NTF3: variants seen among roughly 807,000 people sequenced by gnomAD.
NTF3 encodes neurotrophin-3.
In NTF3, 8 loss-of-function variants were observed where a neutral mutation model predicts 26.3. That is an observed-to-expected ratio of 0.30 (90% CI 0.18 to 0.55). The LOEUF is 0.55. NTF3 is among the 20% of genes least tolerant of loss of function. The pLI is 0.93. For synonymous variants in NTF3, 154 were observed against 145.5 expected (o/e 1.06, Z -0.42); for missense variants, 276 against 352.9 (o/e 0.78, Z 1.75).
chr12:5,493,175 C>T (rs908435393), intron 1 of NTF3, among the ~76,000 whole-genome samples: 3 of 152,180 alleles, frequency 2.0e-5, no homozygotes, highest in Non-Finnish European at 4.4e-5. Flanking sequence ...GAGGGAGAGA[C>T]TAGCAATGAA....
Position 5,441,723 on chromosome 12 carries a change from C to T in NTF3, c.18+9381C>T, listed in dbSNP as rs74056352. Among the ~76,000 whole-genome samples, 1,438 of 152,308 alleles carry T rather than the reference C, an allele frequency of 9.4e-3. 20 individuals are homozygous for T. Among genetic ancestry groups the T allele is most frequent in the African/African-American group, 0.033 (1,358 of 41,564 alleles). The stretch of plus-strand genomic sequence containing the variant: ...ATTGTGAGCTCAGAATGTGCAGCAG[C>T]GATTTGACAGTGCCAGGAACTTGGC... On this transcript the variant is annotated intron_variant, in intron 1 of 1. Coordinates refer to ENST00000423158, the MANE Select transcript of NTF3 (RefSeq NM_001102654.2).
chr12:5,490,857 A>G (rs1463064970), intron 1 of NTF3, among the ~76,000 whole-genome samples: 1 of 152,164 alleles, frequency 6.6e-6, no homozygotes, highest in Non-Finnish European at 1.5e-5. Flanking sequence ...GATTGCTGTG[A>G]GCCAGATGTA....
At chr12:5,436,859 G>T (rs1370894907) in intron 1 of NTF3, among the ~76,000 whole-genome samples, 2 of 152,208 alleles carry the variant, frequency 1.3e-5, no homozygotes, top group African/African-American at 4.8e-5. Flanking sequence ...CAGAGGAAAG[G>T]TAGTCTAAGA....
chr12:5,484,826 C>T (rs576753399), intron 1 of NTF3, among the ~76,000 whole-genome samples: 1 of 152,304 alleles, frequency 6.6e-6, no homozygotes, highest in South Asian at 2.1e-4. Flanking sequence ...TGGAGAAACA[C>T]TGCTCAGGAA....
Position 5,441,652 on chromosome 12 carries a change from G to A in NTF3, c.18+9310G>A, listed in dbSNP as rs113599855. Among the ~76,000 whole-genome samples, 1,149 of 152,308 alleles carry A rather than the reference G, an allele frequency of 7.5e-3. 15 individuals are homozygous for A. Among genetic ancestry groups the A allele is most frequent in the African/African-American group, 0.025 (1,029 of 41,550 alleles). Reference sequence around the variant, plus strand: ...ATTTTTGTGTCCCCCACCTTGAATAGCGACAGCCACAGGAATGTGTTGAGT... The same window carrying A: ...ATTTTTGTGTCCCCCACCTTGAATAACGACAGCCACAGGAATGTGTTGAGT... On this transcript the variant is annotated intron_variant, in intron 1 of 1. Coordinates refer to ENST00000423158, the MANE Select transcript of NTF3 (RefSeq NM_001102654.2).
intron 1 of NTF3, among the ~76,000 whole-genome samples, chr12:5,461,011 C>T (rs1038773497): frequency 6.6e-6 from 1 of 152,140 alleles, no homozygotes; most frequent in Non-Finnish European, 1.5e-5. Context: ...TTTAGCAGGG[C>T]CTATGAATAT....
intron 1 of NTF3, among the ~76,000 whole-genome samples, chr12:5,434,007 A>C (rs892774272): frequency 1.3e-5 from 2 of 152,194 alleles, no homozygotes; most frequent in Non-Finnish European, 2.9e-5. Flanking sequence ...GAGAACATGG[A>C]AGCGCTCTGT....
rs185581035 is a variant in NTF3 at position 5,435,425 on chromosome 12, A to G, written c.18+3083A>G. On this transcript the variant is annotated intron_variant, in intron 1 of 1. Coordinates refer to ENST00000423158, the MANE Select transcript of NTF3 (RefSeq NM_001102654.2). ...TGTTGAGGTTTCTTCAAGGTCTATA[A>G]TTCAGTTTCTAGAGATGTTTATGGA... 1.9e-4 allele frequency among the ~76,000 whole-genome samples: 29 copies of G among 152,342 alleles called. No individual in the cohort carries two copies. In the East Asian group the frequency reaches 5.4e-3, roughly 28 times the overall value.
upstream of NTF3, among the ~76,000 whole-genome samples, chr12:5,430,630 T>G (rs2121122142): frequency 6.8e-6 from 1 of 147,340 alleles, no homozygotes; most frequent in South Asian, 2.3e-4. Context: ...AGCTACTCTC[T>G]GCGGCCGGTT....
rs6332 is a variant in NTF3 at position 5,494,466 on chromosome 12, G to T, written c.291G>T (p.Pro97=). 33 of 1,613,122 alleles carry T rather than the reference G, an allele frequency of 2.0e-5. No homozygotes were observed. Among genetic ancestry groups the T allele is most frequent in the Non-Finnish European group, 2.6e-5 (31 of 1,179,946 alleles). ...RGGPAKSAFQ[P]VIAMDTELLR... is the part of the protein sequence containing the mutation. Reference sequence around the variant, plus strand: ...GGCCCGCCAAGTCAGCATTCCAGCCGGTGATTGCAATGGACACCGAACTGC... The same window carrying T: ...GGCCCGCCAAGTCAGCATTCCAGCCTGTGATTGCAATGGACACCGAACTGC... Residue 97 remains proline (P), a synonymous_variant, in exon 2 of 2, where the codon CCG becomes CCT. Coordinates refer to ENST00000423158, the MANE Select transcript of NTF3 (RefSeq NM_001102654.2). The surrounding 1 kb of genome is among the most constrained non-coding windows in gnomAD (Gnocchi z 8.3).
chr12:5,473,710 C>G (rs974146241), intron 1 of NTF3, among the ~76,000 whole-genome samples: 9 of 152,226 alleles, frequency 5.9e-5, no homozygotes, highest in African/African-American at 2.2e-4. Flanking sequence ...CTATCCTTCT[C>G]CATGTCCTAC....
At chr12:5,489,879 C>A (rs1396616420) in intron 1 of NTF3, among the ~76,000 whole-genome samples, 1 of 152,070 alleles carries the variant, frequency 6.6e-6, no homozygotes, top group Non-Finnish European at 1.5e-5. Flanking sequence ...TAAACTGAGC[C>A]AAAAAGGAGG....
chr12:5,455,155 C>G lies in NTF3; in HGVS notation c.18+22813C>G, dbSNP rs540658917. Among the ~76,000 whole-genome samples the G allele has an allele frequency of 2.0e-5, 3 of 152,300 alleles. No individual in the cohort carries two copies. The South Asian group carries it at 6.2e-4, about 32-fold the overall frequency. On this transcript the variant is annotated intron_variant, in intron 1 of 1. Transcript: ENST00000423158. ...AACATCTTCCAATAGGGCTGCCCTG[C>G]CTACAGGGTCATGCGGCATGCATCT... is the stretch of plus-strand genomic sequence containing the variant.
At chr12:5,491,936 G>A (rs1485376160) in intron 1 of NTF3, among the ~76,000 whole-genome samples, 3 of 151,490 alleles carry the variant, frequency 2.0e-5, no homozygotes, top group Non-Finnish European at 4.4e-5. Flanking sequence ...GGATGGTCTC[G>A]ATCTCCTGAC....
upstream of NTF3, among the ~76,000 whole-genome samples, chr12:5,431,545 G>A (rs1012619023): frequency 3.9e-5 from 6 of 152,052 alleles, no homozygotes; most frequent in African/African-American, 1.4e-4. Flanking sequence ...TCGTGCTGTG[G>A]GGTGGGGGGA....
chr12:5,490,362 A>G lies in NTF3; in HGVS notation c.19-3832A>G. On this transcript the variant is annotated intron_variant, in intron 1 of 1. Transcript: ENST00000423158. ...GGGAGTCAAGGATGTGTGGATGGAA[A>G]GGACATGGTCCCTGTCGTCAAAGAG... Among the ~76,000 whole-genome samples the G allele has an allele frequency of 1.3e-5, 2 of 152,226 alleles. 1 individual carries two copies. Among genetic ancestry groups the G allele is most frequent in the East Asian group, 3.9e-4 (2 of 5,190 alleles).
chr12:5,491,666 G>A (rs906073037), intron 1 of NTF3, among the ~76,000 whole-genome samples: 9 of 151,914 alleles, frequency 5.9e-5, no homozygotes, highest in Non-Finnish European at 1.2e-4. Context: ...AGGGAGGTGA[G>A]GGCCAGAGTG....
intron 1 of NTF3, among the ~76,000 whole-genome samples, chr12:5,481,233 C>T (rs989522089): frequency 3.9e-5 from 6 of 152,082 alleles, no homozygotes; most frequent in Non-Finnish European, 8.8e-5. Flanking sequence ...GAGTGAAAAA[C>T]AGACTTGCCC....
At chr12:5,478,744 T>G (rs183143173) in intron 1 of NTF3, among the ~76,000 whole-genome samples, 45 of 152,376 alleles carry the variant, frequency 3.0e-4, no homozygotes, top group African/African-American at 9.9e-4. Flanking sequence ...ATAAACGACT[T>G]TAACATTTTG....
Sources: allele counts gnomAD v4.1 joint callset (sites outside exome capture counted in the v4.1 genomes callset), GRCh38; gene constraint gnomAD v4.1.1; non-coding constraint Gnocchi (gnomAD v3.1); transcripts MANE v1.5; gene names NCBI Gene and HGNC (gene_info 2026-07-23, HGNC 2026-07-21).